Variants in NWD1 observed in about 807,000 individuals in gnomAD.
The protein encoded by NWD1 is NACHT domain- and WD repeat-containing protein 1.
NWD1 carries 129 observed loss-of-function variants against 135.1 expected under a neutral mutation model. The ratio of observed to expected loss-of-function variants is 0.96; its 90% CI spans 0.83 to 1.11. The LOEUF (loss-of-function observed/expected upper bound fraction) is 1.11. Among genes scored for constraint, NWD1 ranks in the 50% least tolerant of loss-of-function variants. The probability of loss-of-function intolerance (pLI) is 0.00; values close to 1 mark genes in which losing one functional copy is unlikely to be tolerated. For synonymous variants in NWD1, 773 were observed against 786.0 expected (o/e 0.98, Z 0.28); for missense variants, 1,740 against 1,851.3 (o/e 0.94, Z 1.10).
intron 6 of NWD1, among the ~76,000 whole-genome samples, chr19:16,755,144 CA>C (rs1465295691): frequency 6.6e-6 from 1 of 152,116 alleles, no homozygotes; most frequent in African/African-American, 2.4e-5. Flanking sequence ...CATTTATAAT[CA>C]ATCAATAAAT....
chr19:16,761,067 T>C (rs1351354317), intron 7 of NWD1, among the ~76,000 whole-genome samples: 3 of 152,210 alleles, frequency 2.0e-5, no homozygotes, highest in African/African-American at 7.2e-5. Flanking sequence ...TTCCTGTCTC[T>C]GTGGATTTGC....
intron 3 of NWD1, among the ~76,000 whole-genome samples, chr19:16,735,462 C>T (rs958988199): frequency 1.3e-5 from 2 of 149,680 alleles, no homozygotes; most frequent in Admixed American, 1.3e-4. Flanking sequence ...GCTGAGAGTG[C>T]ACCACTAAGC....
At position 16,791,382 on chromosome 19, in the gene NWD1, G is replaced by C. The variant is rs143037753; in HGVS notation, c.2973G>C (p.Pro991=). The change falls in exon 14 of 19, where the codon CCG becomes CCC. Residue 991 remains proline (P), a synonymous_variant. Coordinates refer to ENST00000524140, the MANE Select transcript of NWD1 (RefSeq NM_001007525.5). ...CTTGGAATCTGGAAACTGCAGAGCC[G>C]GTATTCCATATCCTGGGAGATGCCT... is the stretch of plus-strand genomic sequence containing the variant. ...INAWNLETAE[P]VFHILGDASD... 6.2e-7 allele frequency: 1 copy of C among 1,613,986 alleles called. No individual in the cohort carries two copies. The highest frequency in any genetic ancestry group is 2.2e-5 in the East Asian group (1 of 44,878).
At chr19:16,733,026 G>A (rs10451502) in intron 3 of NWD1, among the ~76,000 whole-genome samples, 87,096 of 151,150 alleles carry the variant, frequency 0.58, 25,741 homozygotes, top group African/African-American at 0.65. Context: ...GTTTGATACC[G>A]GTCTGGGTAA....
chr19:16,754,578 A>G (rs748638935), intron 6 of NWD1, among the ~76,000 whole-genome samples: 5 of 141,632 alleles, frequency 3.5e-5, no homozygotes, highest in Middle Eastern at 0.014. Context: ...TCTAAAGTCC[A>G]TCTATCCTTC....
In NWD1 at chr19:16,799,868, C is replaced by T; in HGVS notation, c.3460-18C>T. 1 of 1,583,568 alleles carries T rather than the reference C, an allele frequency of 6.3e-7. No individual in the cohort carries two copies. The highest frequency in any genetic ancestry group is 8.6e-7 in the Non-Finnish European group (1 of 1,164,340). ...CCACAGAAGATGTCAGATCTGCCCTCCTGTTCTGCTTCCTCAGGTGTGGAG... is the reference window on the plus strand; with the variant it reads ...CCACAGAAGATGTCAGATCTGCCCTTCTGTTCTGCTTCCTCAGGTGTGGAG... On this transcript the variant is annotated intron_variant, in intron 16 of 18. Transcript: ENST00000524140.
intron 6 of NWD1, among the ~76,000 whole-genome samples, chr19:16,752,886 C>G (rs764467941): frequency 1.3e-5 from 2 of 152,166 alleles, no homozygotes; most frequent in Non-Finnish European, 2.9e-5. Context: ...GTAGTCCCAG[C>G]TACTCGGGAG....
In NWD1 at chr19:16,815,560, C is replaced by T; in HGVS notation, c.*521C>T. 1 of 497,188 alleles carries T rather than the reference C, an allele frequency of 2.0e-6. No homozygotes were observed. The highest frequency in any genetic ancestry group is 2.5e-5 in the South Asian group (1 of 40,336). The allele number at this position is 497,188 out of a possible 1,614,324, so 30.8% of individuals were successfully genotyped here. ...TAGCAACATGGTGGCCAATATGCTG[C>T]TGTCTCCAATTTCAATAGAAAAGAG... is the stretch of plus-strand genomic sequence containing the variant. On this transcript the variant is annotated 3_prime_UTR_variant, in exon 19 of 19. Transcript: ENST00000524140.
chr19:16,752,899 T>C (rs1289207111), intron 6 of NWD1, among the ~76,000 whole-genome samples: 1 of 152,178 alleles, frequency 6.6e-6, no homozygotes, highest in Non-Finnish European at 1.5e-5. Flanking sequence ...CTCGGGAGGC[T>C]GAGGCAGGAG....
chr19:16,779,736 A>T (rs985542171), intron 12 of NWD1, among the ~76,000 whole-genome samples: 2 of 152,142 alleles, frequency 1.3e-5, no homozygotes, highest in Non-Finnish European at 2.9e-5. Context: ...CTCCTGGGCC[A>T]AGTGATCCTC....
At chr19:16,796,773 G>C (rs1042351826) in intron 15 of NWD1, among the ~76,000 whole-genome samples, 1 of 151,912 alleles carries the variant, frequency 6.6e-6, no homozygotes, top group African/African-American at 2.4e-5. Flanking sequence ...AAGGCCTGCT[G>C]TGTGCCCAGC....
intron 4 of NWD1, among the ~76,000 whole-genome samples, chr19:16,743,748 T>C (rs1039192276): frequency 1.3e-5 from 2 of 152,102 alleles, no homozygotes; most frequent in Non-Finnish European, 2.9e-5. Context: ...GGTGGCACCA[T>C]GTCGGTTCAC....
chr19:16,747,386 A>AT (rs56990164), intron 5 of NWD1, among the ~76,000 whole-genome samples: 197 of 122,894 alleles, frequency 1.6e-3, no homozygotes, highest in Middle Eastern at 0.01. Context: ...TATTTATTTA[A>AT]TTTTTTTTGA....
intron 18 of NWD1, among the ~76,000 whole-genome samples, chr19:16,810,852 A>AT (rs1970904687): frequency 2.0e-5 from 3 of 152,052 alleles, no homozygotes; most frequent in Non-Finnish European, 4.4e-5. Flanking sequence ...GGAATTTTTT[A>AT]TTTTTTGTTA....
At chr19:16,730,714 C>T (rs1294979945) in intron 2 of NWD1, among the ~76,000 whole-genome samples, 4 of 151,786 alleles carry the variant, frequency 2.6e-5, no homozygotes, top group Non-Finnish European at 5.9e-5. Context: ...GAGACCTGTC[C>T]CTTAAAAAAC....
intron 12 of NWD1, among the ~76,000 whole-genome samples, chr19:16,784,248 G>T (rs1969962542): frequency 6.6e-6 from 1 of 151,604 alleles, no homozygotes; most frequent in Non-Finnish European, 1.5e-5. Context: ...AGGAGCACCT[G>T]TAGTCCCAGG....
intron 4 of NWD1, among the ~76,000 whole-genome samples, chr19:16,741,777 C>G (rs938995867): frequency 6.6e-6 from 1 of 152,094 alleles, no homozygotes; most frequent in African/African-American, 2.4e-5. Flanking sequence ...GCCATTTGAC[C>G]TTGGTCTGAT....
chr19:16,775,908 T>TC (rs1451045473), intron 11 of NWD1, among the ~76,000 whole-genome samples: 2 of 152,116 alleles, frequency 1.3e-5, no homozygotes, highest in Non-Finnish European at 1.5e-5. Flanking sequence ...CCTCAGGTGA[T>TC]CGCCTACCTT....
chr19:16,732,775 C>A (rs1225795248), intron 3 of NWD1, among the ~76,000 whole-genome samples: 1 of 151,770 alleles, frequency 6.6e-6, no homozygotes, highest in Non-Finnish European at 1.5e-5. Context: ...GCTGAAACTA[C>A]AGACATGCAG....
Sources: allele counts gnomAD v4.1 joint callset (sites outside exome capture counted in the v4.1 genomes callset), GRCh38; gene constraint gnomAD v4.1.1; transcripts MANE v1.5; gene names NCBI Gene and HGNC (gene_info 2026-07-23, HGNC 2026-07-21).